The following TBC1D5 variants were observed in gnomAD, a reference collection of about 807,000 sequenced individuals.
TBC1D5 encodes the protein TBC1 domain family, member 5.
TBC1D5 carries 75 observed loss-of-function variants against 100.3 expected under a neutral mutation model. The ratio of observed to expected loss-of-function variants is 0.75; its 90% CI spans 0.62 to 0.91. The LOEUF (loss-of-function observed/expected upper bound fraction) is 0.91, where lower values mean the gene tolerates loss of function less well. Among genes scored for constraint, TBC1D5 ranks in the 40% least tolerant of loss-of-function variants. The pLI, the probability that TBC1D5 is intolerant of heterozygous loss-of-function variation, is 0.00. For missense variants in TBC1D5, 910 were observed against 942.4 expected (o/e 0.97, Z 0.45); for synonymous variants, 323 against 325.6 (o/e 0.99, Z 0.09).
intron 1 of TBC1D5, among the ~76,000 whole-genome samples, chr3:17,686,998 G>T (rs1272934317): frequency 6.6e-6 from 1 of 152,128 alleles, no homozygotes; most frequent in African/African-American, 2.4e-5. Context: ...GTTAATAGAT[G>T]TAGAGTCTTT....
At chr3:17,369,291 T>C (rs1478300663) in intron 13 of TBC1D5, among the ~76,000 whole-genome samples, 2 of 152,156 alleles carry the variant, frequency 1.3e-5, no homozygotes, top group Admixed American at 6.5e-5. Context: ...GGACATCATA[T>C]TCACATAGCC....
intron 3 of TBC1D5, among the ~76,000 whole-genome samples, chr3:17,476,791 G>A (rs73153034): frequency 0.088 from 13,325 of 151,676 alleles, 1,298 homozygotes; most frequent in African/African-American, 0.24. Flanking sequence ...GTTTCATAAC[G>A]TTCTCCACAA....
At chr3:17,298,433 A>C (rs1055217839) in intron 14 of TBC1D5, among the ~76,000 whole-genome samples, 3 of 152,222 alleles carry the variant, frequency 2.0e-5, no homozygotes, top group African/African-American at 7.2e-5. Flanking sequence ...GCTGATAATA[A>C]TGATACATAC....
At chr3:17,450,602 A>T (rs1312031948) in intron 3 of TBC1D5, among the ~76,000 whole-genome samples, 1 of 152,220 alleles carries the variant, frequency 6.6e-6, no homozygotes, top group Non-Finnish European at 1.5e-5. Flanking sequence ...AAGTATCAAC[A>T]GCAGAATCGA....
intron 13 of TBC1D5, among the ~76,000 whole-genome samples, chr3:17,337,123 G>GTTTTTTTT (rs11328091): frequency 8.6e-6 from 1 of 116,152 alleles, no homozygotes; most frequent in African/African-American, 3.5e-5. Context: ...TATCTGAGAG[G>GTTTTTTTT]TTTTTTTTTT....
intron 2 of TBC1D5, among the ~76,000 whole-genome samples, chr3:17,595,589 C>T (rs1362055764): frequency 6.6e-6 from 1 of 152,150 alleles, no homozygotes; most frequent in Non-Finnish European, 1.5e-5. Flanking sequence ...TAAAAATATG[C>T]TTTAGGTCAT....
rs553615102 is a variant in TBC1D5, at chr3:17,161,146, G to A, written c.2205C>T (p.Ala735=). ...TGCTTCTGAGGGTGCGAAGAGGCTG[G>A]GCCTGGCCGGAGAAGGAGCCCCTGG... The change falls in exon 22 of 22, where the codon GCC becomes GCT. Residue 735 remains alanine, a synonymous_variant. Coordinates refer to ENST00000253692, the Ensembl canonical transcript of TBC1D5. The A allele has an allele frequency of 2.5e-5, 41 of 1,614,208 alleles. 1 individual carries two copies. In the East Asian group the frequency reaches 4.2e-4, roughly 17 times the overall value.
chr3:17,309,359 T>C (rs1265969934), intron 13 of TBC1D5, among the ~76,000 whole-genome samples: 2 of 152,002 alleles, frequency 1.3e-5, no homozygotes, highest in African/African-American at 4.8e-5. Flanking sequence ...AATAATTAGA[T>C]TATATTTTCA....
chr3:17,251,433 C>G (rs140155931), intron 16 of TBC1D5, among the ~76,000 whole-genome samples: 10 of 144,524 alleles, frequency 6.9e-5, no homozygotes, highest in South Asian at 2.5e-4. Context: ...GAACCCCCCC[C>G]CCCCCAGTAG....
intron 2 of TBC1D5, among the ~76,000 whole-genome samples, chr3:17,615,843 G>T (rs2062102462): frequency 6.6e-6 from 1 of 152,046 alleles, no homozygotes; most frequent in Admixed American, 6.6e-5. Context: ...ACCAGCTCCT[G>T]GATTCATTGC....
intron 15 of TBC1D5, among the ~76,000 whole-genome samples, chr3:17,259,798 G>T (rs1159816431): frequency 6.6e-6 from 1 of 152,038 alleles, no homozygotes; most frequent in African/African-American, 2.4e-5. Context: ...TGGCCATGAT[G>T]GACCTTTTCT....
chr3:17,193,939 T>C (rs965934973), intron 18 of TBC1D5, among the ~76,000 whole-genome samples: 1 of 152,236 alleles, frequency 6.6e-6, no homozygotes, highest in Non-Finnish European at 1.5e-5. Flanking sequence ...TTGCTTTATA[T>C]GTAGAAAATC....
intron 3 of TBC1D5, among the ~76,000 whole-genome samples, chr3:17,491,473 G>A (rs1323690655): frequency 4.6e-5 from 7 of 152,066 alleles, no homozygotes; most frequent in Non-Finnish European, 1.0e-4. Flanking sequence ...TTATTATTTT[G>A]AAGTATGTTC....
At chr3:17,479,674 A>C (rs2095478201) in intron 3 of TBC1D5, among the ~76,000 whole-genome samples, 1 of 152,144 alleles carries the variant, frequency 6.6e-6, no homozygotes, top group Non-Finnish European at 1.5e-5. Flanking sequence ...CCATCTCTAC[A>C]AAAAAATTAA....
At chr3:17,332,559 G>C (rs752546874) in intron 13 of TBC1D5, among the ~76,000 whole-genome samples, 52 of 152,124 alleles carry the variant, frequency 3.4e-4, no homozygotes, top group Admixed American at 5.9e-4. Context: ...GGGAAACAGA[G>C]AAAAGAAAAG....
chr3:17,389,255 ATCAGAT>A (rs1352027783), intron 8 of TBC1D5, among the ~76,000 whole-genome samples: 1 of 152,064 alleles, frequency 6.6e-6, no homozygotes, highest in Non-Finnish European at 1.5e-5. Context: ...TAGAGACTTT[ATCAGAT>A]TCAGGTTCAA....
At chr3:17,705,646 G>A (rs1233309839) in intron 1 of TBC1D5, among the ~76,000 whole-genome samples, 2 of 128,096 alleles carry the variant, frequency 1.6e-5, no homozygotes, top group Admixed American at 7.6e-5. Context: ...CATCTCAGAC[G>A]ATGGGCGGCC....
intron 13 of TBC1D5, among the ~76,000 whole-genome samples, chr3:17,315,359 A>G (rs1452504728): frequency 6.6e-6 from 1 of 152,242 alleles, no homozygotes; most frequent in East Asian, 1.9e-4. Context: ...GACAGAAGTG[A>G]GATAATACCA....
intron 2 of TBC1D5, among the ~76,000 whole-genome samples, chr3:17,526,319 G>C (rs2096134818): frequency 6.6e-6 from 1 of 152,128 alleles, no homozygotes; most frequent in Admixed American, 6.5e-5. Flanking sequence ...CTAGACTCAA[G>C]TAATCCTCCA....
Sources: allele counts gnomAD v4.1 joint callset (sites outside exome capture counted in the v4.1 genomes callset), GRCh38; gene constraint gnomAD v4.1.1; transcripts MANE v1.5; gene names NCBI Gene and HGNC (gene_info 2026-07-23, HGNC 2026-07-21).